The following GOPC variants were observed in gnomAD, a reference collection of about 807,000 sequenced individuals.
The protein encoded by GOPC is golgi associated PDZ and coiled-coil motif containing.
GOPC carries 32 observed loss-of-function variants against 51.2 expected under a neutral mutation model. The observed-to-expected ratio is 0.63, with a 90% CI of 0.47 to 0.84. The LOEUF (loss-of-function observed/expected upper bound fraction) is 0.84. Among genes scored for constraint, GOPC ranks in the 40% least tolerant of loss-of-function variants. The pLI, the probability that GOPC is intolerant of heterozygous loss-of-function variation, is 0.00. For synonymous variants in GOPC, 190 were observed against 205.1 expected, an observed-to-expected ratio of 0.93 and a Z score of 0.63; for missense variants, 441 against 555.5, an observed-to-expected ratio of 0.79 and a Z score of 2.07.
chr6:117,595,528 CT>C (rs1780184956), intron 1 of GOPC, among the ~76,000 whole-genome samples: 3 of 152,186 alleles, frequency 2.0e-5, no homozygotes, highest in African/African-American at 7.2e-5. Context: ...AATGTGTCAT[CT>C]TTTATCCCTC....
chr6:117,563,262 A>AT lies in GOPC; in HGVS notation c.1380dup (p.Ser461IlefsTer5), dbSNP rs761316794. ...CTGGAGATATGGTCAATTTAATAAG[A>AT]TTTTTTATGATACAGAGTGTGCAGA... On this transcript the variant is annotated frameshift_variant, in exon 9 of 9. Coordinates refer to ENST00000368498, the MANE Select transcript of GOPC (RefSeq NM_020399.4). LOFTEE classifies it high-confidence loss of function. 2.1e-5 allele frequency: 34 copies of AT among 1,612,808 alleles called. No homozygotes were observed. The East Asian group carries it at 6.0e-4, about 29-fold the overall frequency.
rs1216918156 is a variant in GOPC at position 117,562,489 on chromosome 6, A to C, written c.*765T>G. The C allele has an allele frequency of 4.9e-6, 1 of 203,546 alleles. No individual in the cohort carries two copies. The highest frequency in any genetic ancestry group is 2.3e-5 in the African/African-American group (1 of 43,688). The allele number at this position is 203,546 out of a possible 1,614,324, so 12.6% of individuals were successfully genotyped here. On this transcript the variant is annotated 3_prime_UTR_variant, in exon 9 of 9. Transcript: ENST00000368498. ...CATTTGAGGCTCAACATGAATGGGT[A>C]AATGCTCCAGTACTGCGCACACAGA...
intron 4 of GOPC, among the ~76,000 whole-genome samples, chr6:117,573,941 T>C (rs780830433): frequency 3.0e-4 from 45 of 152,190 alleles, no homozygotes; most frequent in Non-Finnish European, 5.7e-4. Context: ...ATGTCTTGCA[T>C]GCAAAGTCAC....
chr6:117,563,994 C>G (rs78327575), intron 8 of GOPC, among the ~76,000 whole-genome samples: 1 of 71,528 alleles, frequency 1.4e-5, no homozygotes, highest in African/African-American at 5.5e-5. Flanking sequence ...TTTTTTTTTT[C>G]TGAGACAGGG....
chr6:117,570,763 T>G (rs542934173), intron 6 of GOPC, 97 bp downstream of exon 6: 88 of 456,684 alleles, frequency 1.9e-4, no homozygotes, highest in African/African-American at 1.7e-3. Context: ...ATTTAAAAAA[T>G]ATATCCAGAA....
chr6:117,598,119 G>C (rs532380837), intron 1 of GOPC, among the ~76,000 whole-genome samples: 2 of 150,960 alleles, frequency 1.3e-5, no homozygotes, highest in East Asian at 3.9e-4. Flanking sequence ...AGCATTTCGA[G>C]AGGTTGAGGC....
chr6:117,568,026 C>CA (rs779227271), intron 7 of GOPC, among the ~76,000 whole-genome samples: 4,335 of 46,306 alleles, frequency 0.094, 180 homozygotes, highest in African/African-American at 0.2. Context: ...CCCATCTCTA[C>CA]AAAAAAAAAA....
At chr6:117,593,176 T>C (rs1780144121) in intron 1 of GOPC, among the ~76,000 whole-genome samples, 1 of 152,024 alleles carries the variant, frequency 6.6e-6, no homozygotes, top group South Asian at 2.1e-4. Flanking sequence ...CATTACTATC[T>C]CAAACCTCTT....
intron 3 of GOPC, 159 bp from the exon 4 acceptor site, chr6:117,575,511 T>C: frequency 1.3e-6 from 1 of 771,376 alleles, no homozygotes; most frequent in South Asian, 1.4e-5. Flanking sequence ...ACTAGTACCA[T>C]AACATCTTGG....
chr6:117,594,636 CA>C (rs1346089388), intron 1 of GOPC, among the ~76,000 whole-genome samples: 18 of 152,132 alleles, frequency 1.2e-4, no homozygotes, highest in Admixed American at 1.1e-3. Flanking sequence ...TTCAATGTTG[CA>C]AAACAGCCTA....
intron 5 of GOPC, among the ~76,000 whole-genome samples, chr6:117,571,370 T>C (rs1450499023): frequency 6.6e-6 from 1 of 152,130 alleles, no homozygotes; most frequent in Non-Finnish European, 1.5e-5. Flanking sequence ...ATTAATTACT[T>C]ATACATTCCT....
intron 8 of GOPC, 127 bp from the exon 9 acceptor site, chr6:117,563,511 T>C: frequency 3.7e-6 from 3 of 820,056 alleles, no homozygotes; most frequent in Non-Finnish European, 5.9e-6. Context: ...AACCTGAGGT[T>C]AGGGGTTCGA....
chr6:117,599,686 G>C (rs1386668133), intron 1 of GOPC, among the ~76,000 whole-genome samples: 1 of 152,154 alleles, frequency 6.6e-6, no homozygotes, highest in Admixed American at 6.5e-5. Flanking sequence ...TGATATGCTA[G>C]CATTTCCTAT....
chr6:117,597,803 C>G (rs1780222245), intron 1 of GOPC, among the ~76,000 whole-genome samples: 1 of 151,916 alleles, frequency 6.6e-6, no homozygotes, highest in African/African-American at 2.4e-5. Flanking sequence ...AAATCAGTAT[C>G]TTGAACAATA....
intron 1 of GOPC, among the ~76,000 whole-genome samples, chr6:117,591,991 C>T (rs935665104): frequency 6.6e-5 from 10 of 152,158 alleles, no homozygotes; most frequent in Non-Finnish European, 1.2e-4. Context: ...ATCTCATTAT[C>T]TTTCCCAGAC....
chr6:117,567,096 C>A, intron 7 of GOPC, 62 bp from the exon 8 acceptor site: 2 of 1,297,510 alleles, frequency 1.5e-6, no homozygotes, highest in Non-Finnish European at 2.1e-6. Flanking sequence ...AAAAGGATTT[C>A]CAAATTCTTT....
chr6:117,565,438 A>C (rs868019722), intron 8 of GOPC, among the ~76,000 whole-genome samples: 1 of 152,152 alleles, frequency 6.6e-6, no homozygotes, highest in Non-Finnish European at 1.5e-5. Flanking sequence ...AACTTTTCAC[A>C]CTCTGTTATA....
intron 1 of GOPC, among the ~76,000 whole-genome samples, chr6:117,584,946 T>C (rs1780008917): frequency 6.6e-6 from 1 of 152,082 alleles, no homozygotes; most frequent in African/African-American, 2.4e-5. Context: ...CCACTATGAC[T>C]GTAGGCTCAC....
rs925317446 is a variant in GOPC at position 117,586,252 on chromosome 6, A to G, written c.286-7188T>C. On this transcript the variant is annotated intron_variant, in intron 1 of 8. Transcript: ENST00000368498. ...AAAAAACAAAAATGTAAAAAATAAA[A>G]ATCATATAGAGATGGCAGGATAACA... is the stretch of plus-strand genomic sequence containing the variant. Among the ~76,000 whole-genome samples the G allele has an allele frequency of 9.2e-5, 14 of 152,134 alleles. 1 individual carries two copies. Among genetic ancestry groups the G allele is most frequent in the Admixed American group, 9.2e-4 (14 of 15,266 alleles).
Sources: allele counts gnomAD v4.1 joint callset (sites outside exome capture counted in the v4.1 genomes callset), GRCh38; gene constraint gnomAD v4.1.1; transcripts MANE v1.5; gene names NCBI Gene and HGNC (gene_info 2026-07-23, HGNC 2026-07-21).